FLAD1: variants seen among roughly 807,000 people sequenced by gnomAD.
FLAD1 encodes the protein bifunctional FAD diphosphatase/FAD synthase.
A neutral mutation model predicts 55.0 loss-of-function variants in FLAD1; 35 were observed. That is an observed-to-expected ratio of 0.64 (90% CI 0.49 to 0.84). The LOEUF (loss-of-function observed/expected upper bound fraction) is 0.84. Among genes scored for constraint, FLAD1 ranks in the 40% least tolerant of loss-of-function variants. The pLI, the probability that FLAD1 is intolerant of heterozygous loss-of-function variation, is 0.00. For synonymous variants in FLAD1, 267 were observed against 303.0 expected, an observed-to-expected ratio of 0.88 and a Z score of 1.23; for missense variants, 665 against 742.6, an observed-to-expected ratio of 0.90 and a Z score of 1.21.
In FLAD1 at chr1:154,990,398, A is replaced by G. The variant is rs1657808345; in HGVS notation, c.1424A>G (p.Gln475Arg). The G allele has an allele frequency of 2.5e-6, 4 of 1,614,144 alleles. No homozygotes were observed. The highest frequency in any genetic ancestry group is 3.4e-6 in the Non-Finnish European group (4 of 1,180,000). The change falls in exon 5 of 7, where the codon CAG becomes CGG. Residue 475 changes from glutamine to arginine, a missense_variant. By Grantham distance (43) the Gln-to-Arg change is conservative (BLOSUM62 1). Coordinates refer to ENST00000292180, the MANE Select transcript of FLAD1 (RefSeq NM_025207.5). ...ATGAAGCAGGCCCTGGGTGAACTGC[A>G]GGCACGGCACCCCCAGCTGGAGGCT... ...GSMKQALGEL[Q>R]ARHPQLEAVL...
chr1:154,989,564 T>G lies in FLAD1; in HGVS notation c.1122T>G (p.Ser374=). The G allele has an allele frequency of 1.3e-6, 2 of 1,574,284 alleles. No homozygotes were observed. Among genetic ancestry groups the G allele is most frequent in the Non-Finnish European group, 1.7e-6 (2 of 1,158,812 alleles). Residue 374 remains serine (S), a synonymous_variant, in exon 3 of 7, where the codon TCT becomes TCG. Transcript: ENST00000292180. ...EAVYKLAESG[S]SLGKKVAGAL... is the part of the protein sequence containing the mutation. ...TCTTCCCTGCCTGCTTGGCAGGGTC[T>G]TCTTTGGGGAAAAAGGTGGCAGGTG...
In FLAD1 at chr1:154,990,487, G is replaced by A. The variant is rs1275077852; in HGVS notation, c.1513G>A (p.Asp505Asn). ...SCSLCPFSPT[D>N]PGWPAFMRIN... The stretch of plus-strand genomic sequence containing the variant: ...TAGCCTCTGCCCTTTCAGCCCCACT[G>A]ACCCAGGCTGGCCCGCATTCATGCG... The change falls in exon 5 of 7, where the codon GAC (aspartate) becomes AAC (asparagine). Residue 505 changes from aspartate (D) to asparagine (N), a missense_variant. Transcript: ENST00000292180. 6.2e-7 allele frequency: 1 copy of A among 1,613,094 alleles called. No homozygotes were observed. Among genetic ancestry groups the A allele is most frequent in the Non-Finnish European group, 8.5e-7 (1 of 1,179,482 alleles).
At chr1:154,991,561 C>CA (rs956035708) in intron 5 of FLAD1, among the ~76,000 whole-genome samples, 10 of 146,794 alleles carry the variant, frequency 6.8e-5, no homozygotes, top group South Asian at 2.1e-4. Context: ...TCCAAACAAA[C>CA]AAAAAAAAAA....
rs762506307 is a variant in FLAD1, at chr1:154,990,537, G to T, written c.1554+9G>T. 6.3e-7 allele frequency: 1 copy of T among 1,586,964 alleles called. No individual in the cohort carries two copies. Among genetic ancestry groups the T allele is most frequent in the Non-Finnish European group, 8.6e-7 (1 of 1,163,624 alleles). Reference sequence around the variant, plus strand: ...GCATCAACCCACTGCTGGTAATGGGGAAGAGGGTTTATCACCTTCAGTCTC... The same window carrying T: ...GCATCAACCCACTGCTGGTAATGGGTAAGAGGGTTTATCACCTTCAGTCTC... On this transcript the variant is annotated intron_variant, in intron 5 of 6. Coordinates refer to ENST00000292180, the MANE Select transcript of FLAD1 (RefSeq NM_025207.5).
rs1571485613 is a variant in FLAD1, at chr1:154,988,670, A to C, written c.938A>C (p.Tyr313Ser). The C allele has an allele frequency of 6.2e-7, 1 of 1,614,170 alleles. No homozygotes were observed. The highest frequency in any genetic ancestry group is 1.1e-5 in the South Asian group (1 of 91,082). Residue 313 changes from tyrosine (Y) to serine (S), a missense_variant, in exon 2 of 7, where the codon TAC (tyrosine) becomes TCC (serine). Transcript: ENST00000292180. ...GGACGTAGGCTTGGCCTGGGTTCCT[A>C]CCCTGACTGGGGCAGCAACTACTAT... is the stretch of plus-strand genomic sequence containing the variant. Reference protein sequence around the residue: ...HFGRRLGLGSYPDWGSNYYQV... With the variant: ...HFGRRLGLGSSPDWGSNYYQV...
rs1657938304 is a variant in FLAD1 at position 154,992,788 on chromosome 1, T to C, written c.1628+2T>C. The C allele has an allele frequency of 2.5e-6, 4 of 1,613,988 alleles. No homozygotes were observed. The highest frequency in any genetic ancestry group is 2.5e-6 in the Non-Finnish European group (3 of 1,179,982). ...ATACTGTATCCTGTATGACCGAGGGTAAGGGTATTAGGGGAAGGGAATGGG... is the reference window on the plus strand; with the variant it reads ...ATACTGTATCCTGTATGACCGAGGGCAAGGGTATTAGGGGAAGGGAATGGG... On this transcript the variant is annotated splice_donor_variant, in intron 6 of 6. Transcript: ENST00000292180. LOFTEE classifies it high-confidence loss of function.
Position 154,990,343 on chromosome 1 carries a change from A to G in FLAD1, c.1369A>G (p.Asn457Asp). ...CTACTTCTGTTTCTTCCTAAGGTATAATCTGCAGATGTTGGAAGCTGAGGG... is the reference window on the plus strand; with the variant it reads ...CTACTTCTGTTTCTTCCTAAGGTATGATCTGCAGATGTTGGAAGCTGAGGG... The part of the protein sequence containing the change: ...QFLQDTIKRY[N>D]LQMLEAEGSM... Residue 457 changes from asparagine (N) to aspartate (D), a missense_variant, in exon 5 of 7, where the codon AAT (asparagine) becomes GAT (aspartate). Asn to Asp is a conservative substitution (Grantham distance 23). Transcript: ENST00000292180. 4.3e-6 allele frequency: 7 copies of G among 1,613,840 alleles called. No individual in the cohort carries two copies. Among genetic ancestry groups the G allele is most frequent in the Non-Finnish European group, 5.9e-6 (7 of 1,179,812 alleles).
At chr1:154,985,495 C>G (rs1360324499) in intron 1 of FLAD1, among the ~76,000 whole-genome samples, 1 of 151,570 alleles carries the variant, frequency 6.6e-6, no homozygotes, top group Non-Finnish European at 1.5e-5. Context: ...CTCCACCTCC[C>G]AGGTTCAAGC....
In FLAD1 at chr1:154,989,601, A is replaced by G. The variant is rs1335736585; in HGVS notation, c.1159A>G (p.Ile387Val). 1 of 1,602,948 alleles carries G rather than the reference A, an allele frequency of 6.2e-7. No individual in the cohort carries two copies. Among genetic ancestry groups the G allele is most frequent in the East Asian group, 2.3e-5 (1 of 44,074 alleles). Residue 387 changes from isoleucine to valine, a missense_variant, in exon 3 of 7, where the codon ATT becomes GTT. Ile to Val is a conservative substitution (Grantham distance 29). Coordinates refer to ENST00000292180, the MANE Select transcript of FLAD1 (RefSeq NM_025207.5). Reference sequence around the variant, plus strand: ...AAAGGTGGCAGGTGCCCTACAGACCATTGAGACCTCCCTGGCTCAGTACAG... The same window carrying G: ...AAAGGTGGCAGGTGCCCTACAGACCGTTGAGACCTCCCTGGCTCAGTACAG... ...GKKVAGALQT[I>V]ETSLAQYSLT...
intron 2 of FLAD1, 151 bp downstream of exon 2, chr1:154,989,000 G>T: frequency 6.8e-7 from 1 of 1,475,070 alleles, no homozygotes; most frequent in South Asian, 1.4e-5. Context: ...AATAAATGTT[G>T]ATTGAGTACC....
At chr1:154,986,309 C>T (rs964270172) in intron 1 of FLAD1, among the ~76,000 whole-genome samples, 15 of 149,598 alleles carry the variant, frequency 1.0e-4, no homozygotes, top group Non-Finnish European at 1.8e-4. Flanking sequence ...CTCCGCCTCC[C>T]GGGTTCACGC....
At chr1:154,992,098 G>A (rs192843098) in intron 5 of FLAD1, among the ~76,000 whole-genome samples, 269 of 130,062 alleles carry the variant, frequency 2.1e-3, no homozygotes, top group South Asian at 3.3e-3. Context: ...AGCCAAGATC[G>A]CGCCACTGCA....
intron 1 of FLAD1, among the ~76,000 whole-genome samples, chr1:154,986,054 T>TGA (rs1465287678): frequency 2.0e-5 from 3 of 150,740 alleles, no homozygotes; most frequent in South Asian, 2.1e-4. Flanking sequence ...TGTGTGTGTG[T>TGA]GTGACGGAGT....
chr1:154,984,102 G>T, intron 1 of FLAD1, 36 bp downstream of exon 1: 4 of 1,469,108 alleles, frequency 2.7e-6, no homozygotes, highest in Non-Finnish European at 3.6e-6. Context: ...AGGGCGCTGC[G>T]TTCTCCTGTC....
intron 1 of FLAD1, among the ~76,000 whole-genome samples, chr1:154,987,295 C>T (rs1388090279): frequency 6.6e-6 from 1 of 152,100 alleles, no homozygotes; most frequent in Non-Finnish European, 1.5e-5. Flanking sequence ...TCCCAAAGGG[C>T]TGGAATTACA....
At chr1:154,992,649 G>A in intron 5 of FLAD1, 64 bp from the exon 6 acceptor site, 6 of 1,614,148 alleles carry the variant, frequency 3.7e-6, no homozygotes, top group Non-Finnish European at 4.2e-6. Flanking sequence ...CCCTTCCCAG[G>A]ACAGCAGGGG....
chr1:154,990,741 A>C (rs1657823168), intron 5 of FLAD1: 1 of 485,474 alleles, frequency 2.1e-6, no homozygotes, highest in Non-Finnish European at 3.6e-6. Context: ...CCTACTGTGG[A>C]TAGAATAGTG....
At chr1:154,986,019 C>CTGTGTGTGTG (rs57098553) in intron 1 of FLAD1, among the ~76,000 whole-genome samples, 92 of 143,130 alleles carry the variant, frequency 6.4e-4, no homozygotes, top group African/African-American at 7.0e-4. Context: ...CTGCGCCCGG[C>CTGTGTGTGTG]TGTGTGTGTG....
chr1:154,985,460 G>A (rs1340110075), intron 1 of FLAD1, among the ~76,000 whole-genome samples: 2 of 149,142 alleles, frequency 1.3e-5, no homozygotes, highest in African/African-American at 5.0e-5. Flanking sequence ...GTGCAGTGGC[G>A]TGATCAATTT....
Sources: allele counts gnomAD v4.1 joint callset (sites outside exome capture counted in the v4.1 genomes callset), GRCh38; gene constraint gnomAD v4.1.1; transcripts MANE v1.5; gene names NCBI Gene and HGNC (gene_info 2026-07-23, HGNC 2026-07-21).